Variants in LINGO1 observed in about 807,000 individuals in gnomAD.
LINGO1 encodes the protein leucine-rich repeat and immunoglobulin-like domain-containing nogo receptor-interacting protein 1.
LINGO1 carries 11 observed loss-of-function variants against 37.3 expected under a neutral mutation model. The ratio of observed to expected loss-of-function variants is 0.29; its 90% CI spans 0.19 to 0.49. The LOEUF (loss-of-function observed/expected upper bound fraction) is 0.49. Ranked by LOEUF, LINGO1 falls within the 20% of genes least tolerant of loss-of-function variation. The probability of loss-of-function intolerance (pLI) is 0.99; values close to 1 mark genes in which losing one functional copy is unlikely to be tolerated. For missense variants in LINGO1, 585 were observed against 878.2 expected (o/e 0.67, Z 4.22); for synonymous variants, 387 against 403.0 (o/e 0.96, Z 0.48).
chr15:77,738,813 AAAGAAG>A (rs1359457362), intron 1 of LINGO1, among the ~76,000 whole-genome samples: 4 of 151,264 alleles, frequency 2.6e-5, no homozygotes, highest in Non-Finnish European at 5.9e-5. Context: ...GGAAGGAAGG[AAAGAAG>A]GAAGGAAGGA....
intron 1 of LINGO1, among the ~76,000 whole-genome samples, chr15:77,802,116 A>G (rs2076924317): frequency 6.6e-6 from 1 of 152,050 alleles, no homozygotes; most frequent in African/African-American, 2.4e-5. Flanking sequence ...ATATGTACAG[A>G]GAGTGGGGGG....
At position 77,613,953 on chromosome 15, in the gene LINGO1, AG is replaced by A. The variant is rs2073592819; in HGVS notation, c.*90del. On this transcript the variant is annotated 3_prime_UTR_variant, in exon 2 of 2. Coordinates refer to ENST00000355300, the MANE Select transcript of LINGO1 (RefSeq NM_032808.7). Reference sequence around the variant, plus strand: ...AGAGAACGTGTGTAGAAGGGTAGGGAGGAGGTGGGAAGGACTGGAGAGTGAG... The same window carrying A: ...AGAGAACGTGTGTAGAAGGGTAGGGAGAGGTGGGAAGGACTGGAGAGTGAG... 3 of 1,023,896 alleles carry A rather than the reference AG, an allele frequency of 2.9e-6. No homozygotes were observed. Among genetic ancestry groups the A allele is most frequent in the Non-Finnish European group, 2.8e-6 (2 of 708,138 alleles). The allele number at this position is 1,023,896 out of a possible 1,614,324, so 63.4% of individuals were successfully genotyped here.
chr15:77,631,769 C>G (rs2074261721), intron 1 of LINGO1, among the ~76,000 whole-genome samples: 1 of 152,248 alleles, frequency 6.6e-6, no homozygotes, highest in African/African-American at 2.4e-5. Context: ...ACTCTCCCTA[C>G]TCCCCATCTC....
Position 77,709,996 on chromosome 15 carries a change from A to C in LINGO1, c.-194-19095T>G, listed in dbSNP as rs193014842. 1.7e-3 allele frequency among the ~76,000 whole-genome samples: 259 copies of C among 152,346 alleles called. 2 individuals are homozygous for C. Among genetic ancestry groups the C allele is most frequent in the African/African-American group, 6.0e-3 (250 of 41,592 alleles). On this transcript the variant is annotated intron_variant, in intron 2 of 3. Transcript: ENST00000561686. ...CAGGAGGATGGAAAGAGATGGCAAA[A>C]GGGTGGGTCTGAGAAGGGCACAGGG...
At chr15:77,639,372 C>T (rs1028934192) in intron 3 of LINGO1, among the ~76,000 whole-genome samples, 22 of 151,890 alleles carry the variant, frequency 1.4e-4, no homozygotes, top group African/African-American at 4.8e-4. Flanking sequence ...CCCAGTGTGG[C>T]GAGGGTATTG....
intron 3 of LINGO1, among the ~76,000 whole-genome samples, chr15:77,646,841 T>G (rs1478069369): frequency 2.0e-5 from 3 of 152,074 alleles, no homozygotes; most frequent in Non-Finnish European, 4.4e-5. Context: ...ATGTCTAATA[T>G]CTATCAACCC....
chr15:77,710,252 C>T lies in LINGO1; in HGVS notation c.-194-19351G>A, dbSNP rs541808806. 1.5e-4 allele frequency among the ~76,000 whole-genome samples: 23 copies of T among 152,302 alleles called. No individual in the cohort carries two copies. The South Asian group carries it at 3.3e-3, about 22-fold the overall frequency. On this transcript the variant is annotated intron_variant, in intron 2 of 3. Transcript: ENST00000561686. ...GAACTTCATGGAGGCCCCTCAGCTCCGACACCAAATGAAGCAGGAGCATGG... is the reference window on the plus strand; with the variant it reads ...GAACTTCATGGAGGCCCCTCAGCTCTGACACCAAATGAAGCAGGAGCATGG...
chr15:77,688,109 C>T (rs1187705376), intron 2 of LINGO1, among the ~76,000 whole-genome samples: 1 of 152,202 alleles, frequency 6.6e-6, no homozygotes, highest in Admixed American at 6.5e-5. Context: ...CCCAAGCCTA[C>T]TCACTTACAA....
intron 1 of LINGO1, among the ~76,000 whole-genome samples, chr15:77,624,041 TGGTGTGTGTGTGAGTGC>T (rs1193826710): frequency 7.5e-4 from 112 of 148,890 alleles, no homozygotes; most frequent in African/African-American, 2.6e-3. Flanking sequence ...TGTGTGAGTG[TGGTGTGTGTGTGAGTGC>T]GGTGTGTGAG....
chr15:77,667,554 C>T (rs1479769550), intron 3 of LINGO1: 1 of 152,448 alleles, frequency 6.6e-6, no homozygotes, highest in South Asian at 2.1e-4. Context: ...TGCTCAGCCC[C>T]GCTGAGTCTC....
chr15:77,790,963 A>G (rs1054423311), upstream of LINGO1, among the ~76,000 whole-genome samples: 11 of 152,148 alleles, frequency 7.2e-5, no homozygotes, highest in East Asian at 1.9e-4. Flanking sequence ...GGTTGGGCCA[A>G]TGGGTTCCAA....
chr15:77,653,928 G>C (rs1414267602), intron 3 of LINGO1, among the ~76,000 whole-genome samples: 1 of 152,252 alleles, frequency 6.6e-6, no homozygotes, highest in Non-Finnish European at 1.5e-5. Flanking sequence ...CCCTGTGAGA[G>C]TCATTAAGGA....
chr15:77,807,580 T>C (rs77212309), intron 1 of LINGO1, among the ~76,000 whole-genome samples: 4,806 of 152,086 alleles, frequency 0.032, 226 homozygotes, highest in African/African-American at 0.11. Context: ...TGTTCCTGCC[T>C]CCCTGCACAC....
chr15:77,814,376 T>A (rs976743374), intron 1 of LINGO1, among the ~76,000 whole-genome samples: 2 of 152,192 alleles, frequency 1.3e-5, no homozygotes, highest in African/African-American at 4.8e-5. Context: ...GTCTGCCTAC[T>A]TTATTGGAAC....
intron 2 of LINGO1, among the ~76,000 whole-genome samples, chr15:77,684,153 C>T (rs2075463476): frequency 6.6e-6 from 1 of 152,192 alleles, no homozygotes; most frequent in Admixed American, 6.5e-5. Flanking sequence ...CTCCCCCACA[C>T]TCTGCCTTGG....
chr15:77,633,907 C>T (rs1348900398), upstream of LINGO1, among the ~76,000 whole-genome samples: 1 of 152,234 alleles, frequency 6.6e-6, no homozygotes, highest in African/African-American at 2.4e-5. Flanking sequence ...ATACTACCCC[C>T]TCCATCTCCT....
At chr15:77,628,402 A>G (rs78944130) in intron 1 of LINGO1, among the ~76,000 whole-genome samples, 2,386 of 152,370 alleles carry the variant, frequency 0.016, 172 homozygotes, top group Admixed American at 0.11. Context: ...TATTATTCAC[A>G]ACAATATAGA....
chr15:77,798,831 A>T (rs2076894149), intron 1 of LINGO1, among the ~76,000 whole-genome samples: 1 of 152,142 alleles, frequency 6.6e-6, no homozygotes, highest in Non-Finnish European at 1.5e-5. Context: ...GCCCCGGAGA[A>T]TGTGAGACCT....
intron 1 of LINGO1, among the ~76,000 whole-genome samples, chr15:77,766,403 G>A (rs776177334): frequency 5.4e-5 from 8 of 147,254 alleles, no homozygotes; most frequent in East Asian, 2.0e-4. Context: ...ATCATTTTCC[G>A]CAAAAAAAAC....
Sources: gnomAD v4.1 joint callset for allele counts (sites outside exome capture counted in the v4.1 genomes callset) on GRCh38, gnomAD v4.1.1 for gene constraint, MANE v1.5 for transcripts, NCBI Gene and HGNC (gene_info 2026-07-23, HGNC 2026-07-21) for gene names.